AP2B1: variants seen among roughly 807,000 people sequenced by gnomAD.
AP2B1 encodes the protein AP-2 complex subunit beta.
AP2B1 carries 23 observed loss-of-function variants against 102.0 expected under a neutral mutation model. That is an observed-to-expected ratio of 0.23 (90% CI 0.16 to 0.32). The LOEUF is 0.32. AP2B1 is among the 10% of genes least tolerant of loss of function. The pLI is 1.00. For missense variants in AP2B1, 541 were observed against 1,157.4 expected (o/e 0.47, Z 7.73); for synonymous variants, 381 against 421.2 (o/e 0.90, Z 1.17).
intron 5 of AP2B1, among the ~76,000 whole-genome samples, chr17:35,616,999 A>C (rs1212627643): frequency 6.6e-6 from 1 of 152,226 alleles, no homozygotes; most frequent in African/African-American, 2.4e-5. Context: ...GAGGGCTTGC[A>C]AAGCACTTAA....
chr17:35,626,608 T>C lies in AP2B1; in HGVS notation c.717-13T>C, dbSNP rs1347662936. On this transcript the variant is annotated splice_polypyrimidine_tract_variant and intron_variant, in intron 6 of 21. Coordinates refer to ENST00000610402, the MANE Select transcript of AP2B1 (RefSeq NM_001030006.2). ...TATAATTCATGATATTAATTTTCAT[T>C]CTCCACCCTCAGCATCTGTGAGCGG... The C allele has an allele frequency of 6.3e-7, 1 of 1,578,494 alleles. No individual in the cohort carries two copies. The highest frequency in any genetic ancestry group is 8.7e-7 in the Non-Finnish European group (1 of 1,150,054).
chr17:35,705,067 G>A (rs954596298), intron 18 of AP2B1, among the ~76,000 whole-genome samples: 1 of 152,042 alleles, frequency 6.6e-6, no homozygotes, highest in African/African-American at 2.4e-5. Flanking sequence ...TATAAAAAAG[G>A]TACAAAGCTG....
At chr17:35,609,424 G>A (rs2073790050) in intron 5 of AP2B1, among the ~76,000 whole-genome samples, 1 of 150,282 alleles carries the variant, frequency 6.7e-6, no homozygotes, top group Non-Finnish European at 1.5e-5. Context: ...TCAGCTCACT[G>A]CAAGCTCCGC....
intron 6 of AP2B1, among the ~76,000 whole-genome samples, chr17:35,625,670 G>A (rs2074294788): frequency 6.6e-6 from 1 of 151,404 alleles, no homozygotes; most frequent in Non-Finnish European, 1.5e-5. Flanking sequence ...TATATAATAT[G>A]TATAGATAGT....
intron 20 of AP2B1, among the ~76,000 whole-genome samples, chr17:35,715,849 C>CG (rs1555589627): frequency 6.6e-6 from 1 of 152,152 alleles, no homozygotes; most frequent in Non-Finnish European, 1.5e-5. Context: ...TAAGTAATAA[C>CG]TAAGTGTGGT....
intron 4 of AP2B1, among the ~76,000 whole-genome samples, chr17:35,606,999 G>A (rs112759884): frequency 0.012 from 1,751 of 151,300 alleles, 17 homozygotes; most frequent in Admixed American, 0.022. Flanking sequence ...TCCGCCTCCC[G>A]GGCTCAAGTG....
chr17:35,690,033 C>T (rs1230186684), intron 18 of AP2B1, among the ~76,000 whole-genome samples: 1 of 152,052 alleles, frequency 6.6e-6, no homozygotes, highest in African/African-American at 2.4e-5. Context: ...TTTTTTCTGC[C>T]TCATTATGTC....
intron 5 of AP2B1, among the ~76,000 whole-genome samples, chr17:35,622,652 ATAC>A (rs921211456): frequency 7.9e-5 from 12 of 152,160 alleles, no homozygotes; most frequent in Non-Finnish European, 1.2e-4. Flanking sequence ...CATCTCATTT[ATAC>A]TTGGAGAATA....
chr17:35,669,959 G>A (rs1447402486), intron 14 of AP2B1, among the ~76,000 whole-genome samples: 1 of 152,184 alleles, frequency 6.6e-6, no homozygotes, highest in Admixed American at 6.5e-5. Context: ...TTGTGTTTAT[G>A]TGTGTTTTAC....
At chr17:35,661,043 A>G (rs1567928666) in intron 14 of AP2B1, among the ~76,000 whole-genome samples, 1 of 152,154 alleles carries the variant, frequency 6.6e-6, no homozygotes, top group Non-Finnish European at 1.5e-5. Context: ...AAGGCTATCA[A>G]CCAGGCCACT....
intron 18 of AP2B1, among the ~76,000 whole-genome samples, chr17:35,692,175 T>C (rs2076054921): frequency 6.6e-6 from 1 of 152,184 alleles, no homozygotes; most frequent in African/African-American, 2.4e-5. Flanking sequence ...CAGAAATCTG[T>C]CCTCAAAGTC....
At chr17:35,680,952 C>T (rs1450769297) in intron 17 of AP2B1, among the ~76,000 whole-genome samples, 1 of 152,106 alleles carries the variant, frequency 6.6e-6, no homozygotes, top group African/African-American at 2.4e-5. Context: ...GCTGCAGCCT[C>T]CCAAAGTGCT....
At chr17:35,697,797 A>G (rs748282842) in intron 18 of AP2B1, among the ~76,000 whole-genome samples, 1 of 152,136 alleles carries the variant, frequency 6.6e-6, no homozygotes, top group Non-Finnish European at 1.5e-5. Flanking sequence ...CCCCATCTCT[A>G]CCAAAAATAC....
chr17:35,644,733 C>G (rs541765457), intron 12 of AP2B1, among the ~76,000 whole-genome samples: 1 of 152,052 alleles, frequency 6.6e-6, no homozygotes, highest in South Asian at 2.1e-4. Flanking sequence ...GAGAAGTTAT[C>G]ATAAAACAGT....
At position 35,670,010 on chromosome 17, in the gene AP2B1, T is replaced by G. The variant is rs151252888; in HGVS notation, c.1990-847T>G. Among the ~76,000 whole-genome samples the G allele has an allele frequency of 7.3e-4, 112 of 152,384 alleles. 1 individual carries two copies. In the East Asian group the frequency reaches 0.019, roughly 27 times the overall value. ...CCTATTTTCAGCTTGAGTTCTTTAA[T>G]GTTTTTGTCAAGGAAGACCGACTTC... is the stretch of plus-strand genomic sequence containing the variant. On this transcript the variant is annotated intron_variant, in intron 14 of 21. Coordinates refer to ENST00000610402, the MANE Select transcript of AP2B1 (RefSeq NM_001030006.2).
At chr17:35,658,121 G>A (rs2075274685) in intron 14 of AP2B1, among the ~76,000 whole-genome samples, 1 of 152,004 alleles carries the variant, frequency 6.6e-6, no homozygotes, top group African/African-American at 2.4e-5. Context: ...CTTAACTCTG[G>A]ATAGCCCACA....
chr17:35,604,138 C>CT (rs2073582078), intron 3 of AP2B1, among the ~76,000 whole-genome samples: 1 of 152,036 alleles, frequency 6.6e-6, no homozygotes, highest in Non-Finnish European at 1.5e-5. Context: ...GATGGGGTCT[C>CT]TCTCTGTTCC....
chr17:35,703,434 G>A (rs150776521), intron 18 of AP2B1, among the ~76,000 whole-genome samples: 124 of 152,204 alleles, frequency 8.1e-4, no homozygotes, highest in African/African-American at 2.9e-3. Context: ...CAACCTAAAT[G>A]CCCATCAGTG....
chr17:35,688,695 G>A (rs587775918), intron 18 of AP2B1, among the ~76,000 whole-genome samples: 12 of 152,242 alleles, frequency 7.9e-5, no homozygotes, highest in African/African-American at 2.9e-4. Context: ...CAGGCACAGT[G>A]GCTCACACGT....
Sources: gnomAD v4.1 joint callset for allele counts (sites outside exome capture counted in the v4.1 genomes callset) on GRCh38, gnomAD v4.1.1 for gene constraint, MANE v1.5 for transcripts, NCBI Gene and HGNC (gene_info 2026-07-23, HGNC 2026-07-21) for gene names.